Variants in MBOAT1 observed in about 807,000 individuals in gnomAD.
MBOAT1 encodes the protein membrane bound glycerophospholipid O-acyltransferase 1.
A neutral mutation model predicts 64.4 loss-of-function variants in MBOAT1; 67 were observed. The ratio of observed to expected loss-of-function variants is 1.04; its 90% CI spans 0.85 to 1.27. The LOEUF is 1.27. Ranked by LOEUF, MBOAT1 falls within the 50% of genes most tolerant of loss-of-function variation. The probability of loss-of-function intolerance (pLI) is 0.00; values close to 1 mark genes in which losing one functional copy is unlikely to be tolerated. For missense variants in MBOAT1, 563 were observed against 604.6 expected (o/e 0.93, Z 0.72); for synonymous variants, 229 against 218.9 (o/e 1.05, Z -0.41).
In MBOAT1 at chr6:20,115,287, C is replaced by T; in HGVS notation, c.1076+1G>A. 1 of 1,602,932 alleles carries T rather than the reference C, an allele frequency of 6.2e-7. No homozygotes were observed. Among genetic ancestry groups the T allele is most frequent in the African/African-American group, 1.3e-5 (1 of 74,640 alleles). ...AATGAGGTCGTTTTTGTTTTTCTTACCACTTTAGCCAAGTAGCTGTCTGAA... is the reference window on the plus strand; with the variant it reads ...AATGAGGTCGTTTTTGTTTTTCTTATCACTTTAGCCAAGTAGCTGTCTGAA... On this transcript the variant is annotated splice_donor_variant, in intron 10 of 12. Coordinates refer to ENST00000324607, the MANE Select transcript of MBOAT1 (RefSeq NM_001080480.3). LOFTEE classifies it high-confidence loss of function.
chr6:20,121,270 AT>A (rs1760484879), intron 8 of MBOAT1, among the ~76,000 whole-genome samples: 1 of 152,248 alleles, frequency 6.6e-6, no homozygotes, highest in South Asian at 2.1e-4. Context: ...GGAGAAAACA[AT>A]TATTCAGTTA....
intron 8 of MBOAT1, among the ~76,000 whole-genome samples, chr6:20,119,843 C>T (rs2113642768): frequency 6.6e-6 from 1 of 152,282 alleles, no homozygotes; most frequent in South Asian, 2.1e-4. Context: ...GCCTTGAGGT[C>T]TGTGTTGAGA....
chr6:20,110,686 G>A (rs1760112726), intron 11 of MBOAT1, among the ~76,000 whole-genome samples: 1 of 151,996 alleles, frequency 6.6e-6, no homozygotes, highest in Non-Finnish European at 1.5e-5. Context: ...CTATTCATAT[G>A]TATCCATGTT....
intron 1 of MBOAT1, among the ~76,000 whole-genome samples, chr6:20,160,987 A>G (rs1427728069): frequency 6.6e-6 from 1 of 151,900 alleles, no homozygotes; most frequent in African/African-American, 2.4e-5. Context: ...GGGGTTCCCA[A>G]CCCCCCGGGC....
At position 20,101,920 on chromosome 6, in the gene MBOAT1, C is replaced by T. The variant is rs1759801297; in HGVS notation, c.*366G>A. Reference sequence around the variant, plus strand: ...CACGAGGTCAGGAGATCGAGACCATCCCGGCTAAAACGGTGAAACCCCGTC... The same window carrying T: ...CACGAGGTCAGGAGATCGAGACCATTCCGGCTAAAACGGTGAAACCCCGTC... On this transcript the variant is annotated 3_prime_UTR_variant, in exon 13 of 13. Transcript: ENST00000324607. 6.6e-6 allele frequency among the ~76,000 whole-genome samples: 1 copy of T among 151,474 alleles called. No homozygotes were observed. Among genetic ancestry groups the T allele is most frequent in the East Asian group, 1.9e-4 (1 of 5,170 alleles).
At chr6:20,184,574 C>G (rs556041384) in intron 1 of MBOAT1, among the ~76,000 whole-genome samples, 93 of 152,194 alleles carry the variant, frequency 6.1e-4, no homozygotes, top group African/African-American at 2.0e-3. Context: ...TTGTGGTGAG[C>G]AGTTAGCGTG....
At chr6:20,142,659 AG>A (rs1459032178) in intron 4 of MBOAT1, among the ~76,000 whole-genome samples, 6 of 152,150 alleles carry the variant, frequency 3.9e-5, no homozygotes, top group African/African-American at 1.4e-4. Flanking sequence ...CATGTTGGTC[AG>A]GCTGGTCTCA....
intron 1 of MBOAT1, among the ~76,000 whole-genome samples, chr6:20,210,591 C>A (rs1436514929): frequency 6.7e-6 from 1 of 149,990 alleles, no homozygotes; most frequent in Non-Finnish European, 1.5e-5. Context: ...CCCTCCCTCC[C>A]TCCCTCCCTC....
rs1298856812 is a variant in MBOAT1 at position 20,102,378 on chromosome 6, G to A, written c.1396C>T (p.Leu466=). Reference sequence around the variant, plus strand: ...TTCATTGGCAGAAATAGTATTATCAGGAGACTTATGATGTGCAAATAAAAG... The same window carrying A: ...TTCATTGGCAGAAATAGTATTATCAAGAGACTTATGATGTGCAAATAAAAG... ...MYFYLHIISL[L]IILFLPMKPQ... Residue 466 remains leucine (L), a synonymous_variant, in exon 13 of 13, where the codon CTG becomes TTG. Coordinates refer to ENST00000324607, the MANE Select transcript of MBOAT1 (RefSeq NM_001080480.3). 1.2e-6 allele frequency: 2 copies of A among 1,612,108 alleles called. No individual in the cohort carries two copies. Among genetic ancestry groups the A allele is most frequent in the African/African-American group, 2.7e-5 (2 of 74,986 alleles).
Position 20,124,428 on chromosome 6 carries a change from T to C in MBOAT1, c.887A>G (p.Tyr296Cys), listed in dbSNP as rs762604768. ...YVVMQASKPKYYFAWTLADAV... is the reference protein window; with the variant it reads ...YVVMQASKPKCYFAWTLADAV... Reference sequence around the variant, plus strand: ...CTTACCTAATGTCCATGCAAAGTAATACTTGGGCTTTGAGGCTTGCATGAC... The same window carrying C: ...CTTACCTAATGTCCATGCAAAGTAACACTTGGGCTTTGAGGCTTGCATGAC... The change falls in exon 8 of 13, where the codon TAT becomes TGT. Residue 296 changes from tyrosine (Y) to cysteine (C), a missense_variant. Coordinates refer to ENST00000324607, the MANE Select transcript of MBOAT1 (RefSeq NM_001080480.3). 3.7e-6 allele frequency: 6 copies of C among 1,614,000 alleles called. No homozygotes were observed. The South Asian group carries it at 5.5e-5, about 15-fold the overall frequency.
At chr6:20,173,524 A>G (rs754720855) in intron 1 of MBOAT1, among the ~76,000 whole-genome samples, 8 of 152,250 alleles carry the variant, frequency 5.3e-5, no homozygotes, top group Non-Finnish European at 1.0e-4. Flanking sequence ...AAGAGTCAAA[A>G]TACATTTGGC....
At chr6:20,165,781 G>A (rs545911854) in intron 1 of MBOAT1, among the ~76,000 whole-genome samples, 1 of 150,994 alleles carries the variant, frequency 6.6e-6, no homozygotes, top group Non-Finnish European at 1.5e-5. Flanking sequence ...AGTTTGGTTA[G>A]AATAGGTAAA....
chr6:20,141,050 A>T (rs1419648961), intron 4 of MBOAT1, among the ~76,000 whole-genome samples: 1 of 151,674 alleles, frequency 6.6e-6, no homozygotes, highest in Non-Finnish European at 1.5e-5. Flanking sequence ...TCTGGGGTAC[A>T]GGGAGTGGGG....
At chr6:20,113,999 G>A (rs1173784991) in intron 10 of MBOAT1, among the ~76,000 whole-genome samples, 1 of 152,150 alleles carries the variant, frequency 6.6e-6, no homozygotes, top group Non-Finnish European at 1.5e-5. Flanking sequence ...ACAGGACTGA[G>A]ACCCCATTTG....
rs759860265 is a variant in MBOAT1, at chr6:20,128,745, G to A, written c.484C>T (p.Arg162Ter). Residue 162 changes from arginine to a stop codon, truncating the protein, a stop_gained, in exon 6 of 13, where the codon CGA (arginine) becomes TGA (stop). Coordinates refer to ENST00000324607, the MANE Select transcript of MBOAT1 (RefSeq NM_001080480.3). LOFTEE classifies it high-confidence loss of function. The part of the protein sequence containing the change: ...LAFQVHDGLG[R>*]RAEDLSAEQH... ...TCAGCAGAAAGGTCTTCAGCTCTTC[G>A]ACCTAATCCTATGAAAAAGAAAAGA... The A allele has an allele frequency of 1.5e-5, 24 of 1,601,954 alleles. No homozygotes were observed. The highest frequency in any genetic ancestry group is 3.4e-5 in the South Asian group (3 of 87,950).
intron 3 of MBOAT1, among the ~76,000 whole-genome samples, chr6:20,145,243 T>C (rs1561761671): frequency 6.6e-6 from 1 of 151,940 alleles, no homozygotes; most frequent in Non-Finnish European, 1.5e-5. Flanking sequence ...CACTTTGTGC[T>C]ATGTGAGGAT....
intron 1 of MBOAT1, among the ~76,000 whole-genome samples, chr6:20,159,107 A>C (rs1761775267): frequency 1.3e-5 from 2 of 152,102 alleles, no homozygotes; most frequent in Non-Finnish European, 2.9e-5. Context: ...ATGTTGAAGA[A>C]ACATCTGCAC....
intron 1 of MBOAT1, among the ~76,000 whole-genome samples, chr6:20,206,250 T>C (rs1763262019): frequency 6.6e-6 from 1 of 152,224 alleles, no homozygotes; most frequent in African/African-American, 2.4e-5. Context: ...CTTGGCTTAC[T>C]GCAACTTCCC....
chr6:20,111,702 G>A (rs1760141086), intron 11 of MBOAT1, among the ~76,000 whole-genome samples: 2 of 150,714 alleles, frequency 1.3e-5, no homozygotes, highest in African/African-American at 4.9e-5. Flanking sequence ...TACATGAACA[G>A]GAGAGAAGAA....
Sources: gnomAD v4.1 joint callset for allele counts (sites outside exome capture counted in the v4.1 genomes callset) on GRCh38, gnomAD v4.1.1 for gene constraint, MANE v1.5 for transcripts, NCBI Gene and HGNC (gene_info 2026-07-23, HGNC 2026-07-21) for gene names.